ITGA11: variants seen among roughly 807,000 people sequenced by gnomAD.
ITGA11 encodes the protein integrin alpha-11.
In ITGA11, 97 loss-of-function variants were observed where a neutral mutation model predicts 141.9. The observed-to-expected ratio is 0.68, with a 90% CI of 0.58 to 0.81. The LOEUF (loss-of-function observed/expected upper bound fraction) is 0.81, where lower values mean the gene tolerates loss of function less well. Among genes scored for constraint, ITGA11 ranks in the 30% least tolerant of loss-of-function variants. ITGA11 has a pLI of 0.00. For missense variants in ITGA11, 1,387 were observed against 1,559.2 expected (o/e 0.89, Z 1.86); for synonymous variants, 658 against 624.6 (o/e 1.05, Z -0.80).
chr15:68,372,891 T>C (rs1567148699), intron 2 of ITGA11, among the ~76,000 whole-genome samples: 1 of 152,096 alleles, frequency 6.6e-6, no homozygotes, highest in Non-Finnish European at 1.5e-5. Flanking sequence ...AAATTCAATC[T>C]CCTGTAAGAA....
Position 68,321,509 on chromosome 15 carries a change from C to A in ITGA11, c.2323-6G>T. 6.3e-7 allele frequency: 1 copy of A among 1,587,754 alleles called. No homozygotes were observed. On this transcript the variant is annotated splice_polypyrimidine_tract_variant and splice_region_variant and intron_variant, in intron 18 of 29. Coordinates refer to ENST00000315757, the MANE Select transcript of ITGA11 (RefSeq NM_001004439.2). This position sits in a 1 kb window ranked among gnomAD's most constrained non-coding sequence, Gnocchi z 4.9. ...CAGCCGTTCCAGAAGGGCACCTGGG[C>A]CAGGGAGAGCCAGGTGTGGGCAGCT...
At chr15:68,360,486 C>T (rs75773458) in intron 5 of ITGA11, among the ~76,000 whole-genome samples, 2,936 of 152,226 alleles carry the variant, frequency 0.019, 112 homozygotes, top group African/African-American at 0.067. Flanking sequence ...CACACTCACA[C>T]GCACGCATGC....
intron 4 of ITGA11, among the ~76,000 whole-genome samples, chr15:68,362,883 T>C (rs925615052): frequency 6.6e-6 from 1 of 151,816 alleles, no homozygotes; most frequent in Admixed American, 6.6e-5. Context: ...GGATGAATGA[T>C]AATGGATGGA....
intron 10 of ITGA11, among the ~76,000 whole-genome samples, chr15:68,344,610 C>A (rs1894685837): frequency 6.6e-6 from 1 of 151,984 alleles, no homozygotes; most frequent in South Asian, 2.1e-4. Flanking sequence ...TCCCATGGGC[C>A]TTGAGGGGAA....
chr15:68,339,300 C>T (rs758829312), intron 11 of ITGA11, among the ~76,000 whole-genome samples, 200 bp downstream of exon 11: 2 of 152,158 alleles, frequency 1.3e-5, no homozygotes, highest in African/African-American at 2.4e-5. Flanking sequence ...GCCTGTTATA[C>T]GCTGGGCATG....
intron 4 of ITGA11, among the ~76,000 whole-genome samples, chr15:68,362,247 T>C (rs1895267331): frequency 6.6e-6 from 1 of 152,226 alleles, no homozygotes. Flanking sequence ...CAGTCCCCAT[T>C]GAAGGACTGA....
chr15:68,370,341 C>T (rs1895550013), intron 2 of ITGA11, among the ~76,000 whole-genome samples: 1 of 152,212 alleles, frequency 6.6e-6, no homozygotes, highest in Admixed American at 6.5e-5. Flanking sequence ...GCCTGCGACC[C>T]TGGAGGTGCG....
At chr15:68,366,852 G>A (rs947543983) in intron 3 of ITGA11, among the ~76,000 whole-genome samples, 33 of 152,188 alleles carry the variant, frequency 2.2e-4, no homozygotes, top group African/African-American at 8.0e-4. Context: ...GTGTTGGAAG[G>A]ACAGTGCCAG....
intron 1 of ITGA11, among the ~76,000 whole-genome samples, chr15:68,407,383 C>T (rs1896673410): frequency 6.6e-6 from 1 of 152,196 alleles, no homozygotes; most frequent in Non-Finnish European, 1.5e-5. Flanking sequence ...CCGAACCAAC[C>T]AGAGAGTGGA....
At chr15:68,412,173 T>C (rs1024283036) in intron 1 of ITGA11, among the ~76,000 whole-genome samples, 3 of 152,142 alleles carry the variant, frequency 2.0e-5, no homozygotes, top group African/African-American at 7.2e-5. Context: ...TCTTAAGTGA[T>C]GGACCATCAG....
At chr15:68,402,080 G>A (rs1161168371) in intron 2 of ITGA11, among the ~76,000 whole-genome samples, 1 of 150,904 alleles carries the variant, frequency 6.6e-6, no homozygotes, top group African/African-American at 2.4e-5. Flanking sequence ...GTTGGGGAGG[G>A]TAGACAGGGG....
At position 68,331,974 on chromosome 15, in the gene ITGA11, A is replaced by C. The variant is rs771309960; in HGVS notation, c.1655T>G (p.Leu552Arg). Residue 552 changes from leucine to arginine, a missense_variant, in exon 14 of 30, where the codon CTC becomes CGC. Transcript: ENST00000315757. ...FGSSIASVRDLNQDSYNDVVV... is the reference protein window; with the variant it reads ...FGSSIASVRDRNQDSYNDVVV... The stretch of plus-strand genomic sequence containing the variant: ...CACGTCATTGTAGGAATCCTGGTTG[A>C]GGTCTCGAACTGAGGCAATGGAGGA... 1 of 1,613,170 alleles carries C rather than the reference A, an allele frequency of 6.2e-7. No individual in the cohort carries two copies. The highest frequency in any genetic ancestry group is 8.5e-7 in the Non-Finnish European group (1 of 1,179,584).
At chr15:68,350,861 G>A (rs1894887469) in intron 8 of ITGA11, 79 bp from the exon 9 acceptor site, 1 of 1,463,688 alleles carries the variant, frequency 6.8e-7, no homozygotes. Context: ...CTAGACCCTG[G>A]GGACCCCAGG....
rs185156690 is a variant in ITGA11 at position 68,322,001 on chromosome 15, C to G, written c.2323-498G>C. ...GCCTGTAGGAAGTCAGGGAAGCCTT[C>G]GAGGAAGTGACAGGGGATCAGAGTT... On this transcript the variant is annotated intron_variant, in intron 18 of 29. Coordinates refer to ENST00000315757, the MANE Select transcript of ITGA11 (RefSeq NM_001004439.2). The surrounding 1 kb of genome is among the most constrained non-coding windows in gnomAD (Gnocchi z 5.6). Among the ~76,000 whole-genome samples, 146 of 152,286 alleles carry G rather than the reference C, an allele frequency of 9.6e-4. 1 individual carries two copies. The highest frequency in any genetic ancestry group is 2.5e-3 in the Admixed American group (38 of 15,304).
Position 68,300,747 on chromosome 15 carries a change from T to C in ITGA11, c.*2312A>G, listed in dbSNP as rs1403920882. The C allele has an allele frequency of 2.0e-5, 3 of 152,154 alleles. No individual in the cohort carries two copies. The highest frequency in any genetic ancestry group is 7.2e-5 in the African/African-American group (3 of 41,416). 9.4% of individuals were successfully genotyped at this position (152,154 alleles called of 1,614,324 possible). A position where few individuals can be genotyped will look rare whatever the true frequency, so the allele number is the denominator to read the frequency against. ...GACTGTGGAGTTCTGGAATAAGGGC[T>C]GCTTGCCTCTGACCGAGAGTCCAGA... On this transcript the variant is annotated 3_prime_UTR_variant, in exon 30 of 30. Transcript: ENST00000315757.
chr15:68,349,859 A>G (rs1347838190), intron 9 of ITGA11, among the ~76,000 whole-genome samples: 2 of 152,236 alleles, frequency 1.3e-5, no homozygotes, highest in African/African-American at 4.8e-5. Context: ...GGGTTTCAGA[A>G]TACGGAGTCA....
intron 9 of ITGA11, among the ~76,000 whole-genome samples, chr15:68,350,170 C>T (rs1405554960): frequency 6.6e-6 from 1 of 152,112 alleles, no homozygotes; most frequent in African/African-American, 2.4e-5. Flanking sequence ...GAGTAATACT[C>T]AATTGTTGGC....
intron 1 of ITGA11, among the ~76,000 whole-genome samples, chr15:68,408,132 C>A (rs1003269574): frequency 6.6e-6 from 1 of 152,186 alleles, no homozygotes; most frequent in African/African-American, 2.4e-5. Context: ...TCCAGATGCA[C>A]GTTGCTTCCT....
chr15:68,429,874 A>G (rs894720779), intron 1 of ITGA11, among the ~76,000 whole-genome samples: 1 of 152,204 alleles, frequency 6.6e-6, no homozygotes, highest in Non-Finnish European at 1.5e-5. Context: ...AGTTCAAATG[A>G]TATCTCCTCC....
Sources: allele counts gnomAD v4.1 joint callset (sites outside exome capture counted in the v4.1 genomes callset), GRCh38; gene constraint gnomAD v4.1.1; non-coding constraint Gnocchi (gnomAD v3.1); transcripts MANE v1.5; gene names NCBI Gene and HGNC (gene_info 2026-07-23, HGNC 2026-07-21).